Variants in SGCZ observed in about 807,000 individuals in gnomAD.
SGCZ encodes the protein sarcoglycan zeta.
Under a neutral mutation model 41.3 loss-of-function variants are expected in SGCZ, and 40 were observed. The observed-to-expected ratio is 0.97, with a 90% CI of 0.75 to 1.26. The LOEUF (loss-of-function observed/expected upper bound fraction) is 1.26. Ranked by LOEUF, SGCZ falls within the 50% of genes most tolerant of loss-of-function variation. The probability of loss-of-function intolerance (pLI) is 0.00; values close to 1 mark genes in which losing one functional copy is unlikely to be tolerated. For missense variants in SGCZ, 552 were observed against 369.8 expected, an observed-to-expected ratio of 1.49 and a Z score of -4.04; for synonymous variants, 206 against 137.5, an observed-to-expected ratio of 1.50 and a Z score of -3.49.
intron 1 of SGCZ, among the ~76,000 whole-genome samples, chr8:15,153,715 C>G (rs534976070): frequency 1.0e-3 from 155 of 152,254 alleles, no homozygotes; most frequent in South Asian, 4.2e-3. Context: ...CCTGCCCCTA[C>G]CGTGCCTTCC....
intron 2 of SGCZ, among the ~76,000 whole-genome samples, chr8:14,434,489 C>G (rs185636483): frequency 7.6e-4 from 115 of 152,162 alleles, no homozygotes; most frequent in Non-Finnish European, 1.3e-3. Context: ...GATTGCTTTT[C>G]CTAATTGTGT....
At chr8:15,133,082 G>C (rs1563142917) in intron 1 of SGCZ, among the ~76,000 whole-genome samples, 1 of 152,090 alleles carries the variant, frequency 6.6e-6, no homozygotes, top group African/African-American at 2.4e-5. Flanking sequence ...GGTGGAGGTT[G>C]CAGTGAGTCA....
intron 3 of SGCZ, among the ~76,000 whole-genome samples, chr8:14,320,332 GCCGTGTTA>G (rs1201348300): frequency 1.3e-5 from 2 of 151,766 alleles, no homozygotes; most frequent in African/African-American, 4.8e-5. Context: ...GACCAGATTT[GCCGTGTTA>G]CCTGAATGAA....
At chr8:14,241,164 TCCA>T (rs1798866637) in intron 3 of SGCZ, among the ~76,000 whole-genome samples, 1 of 152,084 alleles carries the variant, frequency 6.6e-6, no homozygotes, top group Non-Finnish European at 1.5e-5. Context: ...TTTACTCCAT[TCCA>T]CTGTCTGATT....
At chr8:15,010,098 G>C (rs1365978354) in intron 1 of SGCZ, among the ~76,000 whole-genome samples, 1 of 152,062 alleles carries the variant, frequency 6.6e-6, no homozygotes, top group Admixed American at 6.6e-5. Context: ...TCATCTCCTA[G>C]CAACAGGAAT....
intron 1 of SGCZ, among the ~76,000 whole-genome samples, chr8:15,036,737 G>A (rs995554204): frequency 1.3e-5 from 2 of 151,886 alleles, no homozygotes; most frequent in Non-Finnish European, 2.9e-5. Flanking sequence ...TATCTTACAA[G>A]GCCAGCATTA....
intron 1 of SGCZ, among the ~76,000 whole-genome samples, chr8:14,915,897 G>A (rs1368397930): frequency 6.6e-6 from 1 of 152,092 alleles, no homozygotes; most frequent in African/African-American, 2.4e-5. Context: ...GAAACCCAGG[G>A]TATATACTCC....
intron 3 of SGCZ, among the ~76,000 whole-genome samples, chr8:14,242,956 C>G (rs891851801): frequency 2.0e-5 from 3 of 152,182 alleles, no homozygotes; most frequent in African/African-American, 4.8e-5. Flanking sequence ...ATCTTATACT[C>G]ACACACACAA....
At chr8:15,017,131 C>T (rs1483921475) in intron 1 of SGCZ, among the ~76,000 whole-genome samples, 1 of 152,116 alleles carries the variant, frequency 6.6e-6, no homozygotes, top group Non-Finnish European at 1.5e-5. Context: ...GGATTCAAGC[C>T]TAGATTTGAG....
chr8:14,260,984 T>G (rs1335404035), intron 3 of SGCZ, among the ~76,000 whole-genome samples: 1 of 152,070 alleles, frequency 6.6e-6, no homozygotes, highest in Non-Finnish European at 1.5e-5. Context: ...CATTGGGAGA[T>G]ATACCTAACG....
rs1802843830 is a variant in SGCZ at position 14,523,272 on chromosome 8, T to C, written c.234+31460A>G. 2.0e-5 allele frequency among the ~76,000 whole-genome samples: 3 copies of C among 152,062 alleles called. 1 individual carries two copies. In the South Asian group the frequency reaches 6.2e-4, roughly 31 times the overall value. On this transcript the variant is annotated intron_variant, in intron 2 of 7. Transcript: ENST00000382080. ...TTACTTACAGTGTTCATTCTTACTC[T>C]TGATATTTTCATTTCCCTTTTATTA...
At chr8:14,513,889 A>T (rs765458144) in intron 2 of SGCZ, among the ~76,000 whole-genome samples, 1 of 152,090 alleles carries the variant, frequency 6.6e-6, no homozygotes, top group Non-Finnish European at 1.5e-5. Flanking sequence ...TTGGGGGACA[A>T]TGTGAACTAA....
At chr8:14,394,299 C>T (rs527620572) in intron 2 of SGCZ, among the ~76,000 whole-genome samples, 198 of 151,986 alleles carry the variant, frequency 1.3e-3, no homozygotes, top group Non-Finnish European at 2.4e-3. Flanking sequence ...TACAGGCATG[C>T]GCCACCACAC....
chr8:14,393,055 C>T (rs1314557604), intron 2 of SGCZ, among the ~76,000 whole-genome samples: 3 of 151,756 alleles, frequency 2.0e-5, no homozygotes, highest in African/African-American at 7.3e-5. Flanking sequence ...TCTGTGGGAG[C>T]CATATGAAAG....
intron 2 of SGCZ, among the ~76,000 whole-genome samples, chr8:14,434,341 C>T (rs1800027258): frequency 6.6e-6 from 1 of 152,190 alleles, no homozygotes; most frequent in Admixed American, 6.5e-5. Flanking sequence ...TATGTTTATA[C>T]TAGCACTATG....
At chr8:14,255,859 C>G (rs1799444859) in intron 3 of SGCZ, among the ~76,000 whole-genome samples, 1 of 151,996 alleles carries the variant, frequency 6.6e-6, no homozygotes, top group African/African-American at 2.4e-5. Flanking sequence ...ATCAAAAACC[C>G]TATCACATTG....
chr8:14,589,032 C>T (rs1805154672), intron 1 of SGCZ, among the ~76,000 whole-genome samples: 1 of 152,092 alleles, frequency 6.6e-6, no homozygotes, highest in South Asian at 2.1e-4. Flanking sequence ...TCTTCTTTCA[C>T]CCTTCCATCA....
rs562002098 is a variant in SGCZ at position 14,543,645 on chromosome 8, G to C, written c.234+11087C>G. Among the ~76,000 whole-genome samples the C allele has an allele frequency of 4.6e-5, 7 of 152,162 alleles. No homozygotes were observed. The South Asian group carries it at 1.5e-3, about 32-fold the overall frequency. On this transcript the variant is annotated intron_variant, in intron 2 of 7. Coordinates refer to ENST00000382080, the MANE Select transcript of SGCZ (RefSeq NM_139167.4). ...AACAGATATTTACTGTAAAAACTGA[G>C]GAATCACGGATCCTACTTGGCCATC... is the stretch of plus-strand genomic sequence containing the variant.
chr8:15,097,567 A>C (rs947261076), intron 1 of SGCZ, among the ~76,000 whole-genome samples: 2 of 151,636 alleles, frequency 1.3e-5, no homozygotes, highest in African/African-American at 4.8e-5. Context: ...TTGCACAACA[A>C]AGTGAAACCC....
Sources: allele counts gnomAD v4.1 joint callset (sites outside exome capture counted in the v4.1 genomes callset), GRCh38; gene constraint gnomAD v4.1.1; transcripts MANE v1.5; gene names NCBI Gene and HGNC (gene_info 2026-07-23, HGNC 2026-07-21).